DOCK3: variants seen among roughly 807,000 people sequenced by gnomAD.
The protein encoded by DOCK3 is dedicator of cytokinesis protein 3.
A neutral mutation model predicts 265.6 loss-of-function variants in DOCK3; 60 were observed. That is an observed-to-expected ratio of 0.23 (90% CI 0.18 to 0.28). The LOEUF (loss-of-function observed/expected upper bound fraction) is 0.28. DOCK3 is among the 10% of genes least tolerant of loss of function. DOCK3 has a pLI of 1.00. For synonymous variants in DOCK3, 881 were observed against 938.0 expected (o/e 0.94, Z 1.11); for missense variants, 1,981 against 2,594.3 (o/e 0.76, Z 5.14).
intron 1 of DOCK3, among the ~76,000 whole-genome samples, chr3:50,695,247 T>TA (rs752643788): frequency 6.6e-5 from 10 of 152,242 alleles, no homozygotes; most frequent in Non-Finnish European, 1.3e-4. Flanking sequence ...GCTTAATACT[T>TA]ATGCATGTAT....
chr3:50,819,636 C>T (rs770347501), intron 2 of DOCK3, among the ~76,000 whole-genome samples: 10 of 152,074 alleles, frequency 6.6e-5, no homozygotes, highest in Non-Finnish European at 1.0e-4. Flanking sequence ...GCATGTTAAA[C>T]GACACTCCCA....
At chr3:51,214,913 G>C (rs917654484) in intron 14 of DOCK3, among the ~76,000 whole-genome samples, 2 of 152,146 alleles carry the variant, frequency 1.3e-5, no homozygotes, top group South Asian at 2.1e-4. Context: ...CATGGGTAGG[G>C]CTGGAAAAGT....
rs902846460 is a variant in DOCK3, at chr3:51,208,672, G to C, written c.1038-102G>C. 1.4e-5 allele frequency: 12 copies of C among 875,654 alleles called. No homozygotes were observed. In the African/African-American group the frequency reaches 1.9e-4, roughly 14 times the overall value. 54.2% of individuals were successfully genotyped at this position (875,654 alleles called of 1,614,324 possible). On this transcript the variant is annotated intron_variant, in intron 12 of 52. Coordinates refer to ENST00000266037, the MANE Select transcript of DOCK3 (RefSeq NM_004947.5). ...AACAGAACATCATTTCTTTAGGAAA[G>C]TGAGGGATCCTTTTCCCTTTGAACT...
chr3:51,234,406 A>G (rs1411586837), intron 19 of DOCK3, among the ~76,000 whole-genome samples: 2 of 152,194 alleles, frequency 1.3e-5, no homozygotes, highest in African/African-American at 2.4e-5. Context: ...TATCAGAGAT[A>G]CATGGTTTGG....
At chr3:50,927,991 T>C (rs912125051) in intron 4 of DOCK3, among the ~76,000 whole-genome samples, 2 of 151,966 alleles carry the variant, frequency 1.3e-5, no homozygotes, top group African/African-American at 4.8e-5. Context: ...ACTGTTTTTT[T>C]CCCCTGACCT....
At chr3:50,937,583 A>C (rs1575573818) in intron 5 of DOCK3, among the ~76,000 whole-genome samples, 1 of 151,164 alleles carries the variant, frequency 6.6e-6, no homozygotes, top group Non-Finnish European at 1.5e-5. Context: ...ATGAACCCGG[A>C]AGGCAGAGCT....
Position 50,675,447 on chromosome 3 carries a change from T to G in DOCK3, c.37+147T>G, listed in dbSNP as rs1331597046. ...GGGGCGAGCGCGGGGTGGGGGCAGG[T>G]GCGGGTGCGGGTGCGGGTGCGGGGG... On this transcript the variant is annotated intron_variant, in intron 1 of 52. Coordinates refer to ENST00000266037, the MANE Select transcript of DOCK3 (RefSeq NM_004947.5). The surrounding 1 kb of genome is among the most constrained non-coding windows in gnomAD (Gnocchi z 6.1). The G allele has an allele frequency of 1.7e-5, 8 of 475,062 alleles. No individual in the cohort carries two copies. The highest frequency in any genetic ancestry group is 2.1e-5 in the Non-Finnish European group (7 of 341,242). The allele number at this position is 475,062 out of a possible 1,614,324, so 29.4% of individuals were successfully genotyped here. A position where few individuals can be genotyped will look rare whatever the true frequency, so the allele number is the denominator to read the frequency against.
chr3:51,247,129 G>A (rs2078878449), intron 22 of DOCK3, among the ~76,000 whole-genome samples: 1 of 152,156 alleles, frequency 6.6e-6, no homozygotes, highest in African/African-American at 2.4e-5. Context: ...GCCAATGTTG[G>A]TGGCAACGTT....
At chr3:50,687,187 G>A (rs1296648878) in intron 1 of DOCK3, among the ~76,000 whole-genome samples, 4 of 151,856 alleles carry the variant, frequency 2.6e-5, no homozygotes, top group East Asian at 1.9e-4. Context: ...CTGCACTCCA[G>A]CCTGGGCAAC....
intron 5 of DOCK3, among the ~76,000 whole-genome samples, chr3:50,970,223 A>AT (rs1228345024): frequency 6.6e-6 from 1 of 151,878 alleles, no homozygotes; most frequent in African/African-American, 2.4e-5. Flanking sequence ...TGATTTTAGG[A>AT]TTTTTTCCTT....
At chr3:51,297,621 A>G (rs1027787186) in intron 27 of DOCK3, among the ~76,000 whole-genome samples, 1 of 152,166 alleles carries the variant, frequency 6.6e-6, no homozygotes, top group Admixed American at 6.5e-5. Flanking sequence ...AATTAAATCT[A>G]CAAGATAGCA....
At position 50,827,471 on chromosome 3, in the gene DOCK3, A is replaced by G. The variant is rs181986759; in HGVS notation, c.122-14204A>G. ...TTTTATAAGGGCATTAATCCTGTTT[A>G]TAAGGGCCCTGTCCTCATGATCCAG... On this transcript the variant is annotated intron_variant, in intron 2 of 52. Coordinates refer to ENST00000266037, the MANE Select transcript of DOCK3 (RefSeq NM_004947.5). Among the ~76,000 whole-genome samples the G allele has an allele frequency of 3.6e-4, 55 of 152,294 alleles. 1 individual carries two copies. In the East Asian group the frequency reaches 0.01, roughly 28 times the overall value.
intron 5 of DOCK3, among the ~76,000 whole-genome samples, chr3:51,017,264 T>A (rs902980671): frequency 6.6e-6 from 1 of 151,376 alleles, no homozygotes; most frequent in African/African-American, 2.4e-5. Context: ...AGTCTTCTAT[T>A]TTTATCTTAG....
At chr3:51,153,588 G>A (rs181532551) in intron 10 of DOCK3, among the ~76,000 whole-genome samples, 2 of 152,270 alleles carry the variant, frequency 1.3e-5, no homozygotes, top group Non-Finnish European at 2.9e-5. Context: ...CTTCTGCGTC[G>A]ATCATGCTGG....
chr3:50,836,831 C>T (rs1301766196), intron 2 of DOCK3, among the ~76,000 whole-genome samples: 1 of 152,184 alleles, frequency 6.6e-6, no homozygotes, highest in Non-Finnish European at 1.5e-5. Flanking sequence ...AAATGCTTTG[C>T]TCTTTAGAAA....
chr3:50,712,083 A>G (rs1246693441), intron 1 of DOCK3, among the ~76,000 whole-genome samples: 1 of 152,164 alleles, frequency 6.6e-6, no homozygotes, highest in Non-Finnish European at 1.5e-5. Context: ...ATCCAACTAA[A>G]GGCCTGTCAC....
chr3:50,976,992 C>T (rs2077475854), intron 5 of DOCK3, among the ~76,000 whole-genome samples: 1 of 149,388 alleles, frequency 6.7e-6, no homozygotes, highest in Admixed American at 6.7e-5. Flanking sequence ...TTTCCATTTG[C>T]TTGGTAGATC....
intron 5 of DOCK3, among the ~76,000 whole-genome samples, chr3:50,988,055 A>G (rs930556462): frequency 1.2e-4 from 18 of 152,294 alleles, no homozygotes; most frequent in Non-Finnish European, 2.2e-4. Context: ...CTCTACTTCC[A>G]CAGCACCTCA....
chr3:50,853,862 A>ATT (rs138498095), intron 3 of DOCK3, among the ~76,000 whole-genome samples: 2,469 of 147,270 alleles, frequency 0.017, 52 homozygotes, highest in Non-Finnish European at 0.02. Context: ...TGGTAGTTCT[A>ATT]TTTTTTTTGT....
Sources: allele counts gnomAD v4.1 joint callset (sites outside exome capture counted in the v4.1 genomes callset), GRCh38; gene constraint gnomAD v4.1.1; non-coding constraint Gnocchi (gnomAD v3.1); transcripts MANE v1.5; gene names NCBI Gene and HGNC (gene_info 2026-07-23, HGNC 2026-07-21).